The following VPS13B variants were observed in gnomAD, a reference collection of about 807,000 sequenced individuals.
The protein encoded by VPS13B is vacuolar protein sorting 13 homolog B.
A neutral mutation model predicts 426.4 loss-of-function variants in VPS13B; 285 were observed. That is an observed-to-expected ratio of 0.67 (90% CI 0.61 to 0.74). VPS13B has a LOEUF of 0.74. Ranked by LOEUF, VPS13B falls within the 30% of genes least tolerant of loss-of-function variation. The pLI, the probability that VPS13B is intolerant of heterozygous loss-of-function variation, is 0.00. For synonymous variants in VPS13B, 1,676 were observed against 1,676.4 expected (o/e 1.00, Z 0.01); for missense variants, 4,537 against 4,782.6 (o/e 0.95, Z 1.51).
At chr8:99,871,337 G>T (rs1817401954) in intron 60 of VPS13B, 111 bp from the exon 61 acceptor site, 1 of 1,521,798 alleles carries the variant, frequency 6.6e-7, no homozygotes, top group Non-Finnish European at 9.0e-7. Context: ...AACTGGATTG[G>T]TGAGGGCCCT....
In VPS13B at chr8:99,183,019, G is replaced by A. The variant is rs1451647135; in HGVS notation, c.2334-9857G>A. 3.3e-5 allele frequency among the ~76,000 whole-genome samples: 5 copies of A among 152,256 alleles called. No homozygotes were observed. In the East Asian group the frequency reaches 5.8e-4, roughly 18 times the overall value. On this transcript the variant is annotated intron_variant, in intron 16 of 61. Transcript: ENST00000357162. ...CTCCCAAAGTGCTGGGATTGCAGGC[G>A]TGAGCCACCGCACCTGGCTGTGGAA...
intron 30 of VPS13B, chr8:99,536,888 GA>G (rs1458336499): frequency 4.3e-6 from 2 of 461,492 alleles, no homozygotes; most frequent in Middle Eastern, 4.0e-4. Flanking sequence ...AAAAACTAGG[GA>G]AAAAAAGTAA....
chr8:99,248,517 A>G (rs950072410), intron 17 of VPS13B, among the ~76,000 whole-genome samples: 3 of 152,178 alleles, frequency 2.0e-5, no homozygotes, highest in Admixed American at 6.5e-5. Flanking sequence ...AAGTTGGTTG[A>G]TGAACATTAT....
intron 12 of VPS13B, among the ~76,000 whole-genome samples, chr8:99,140,000 G>A (rs569092053): frequency 1.1e-4 from 16 of 152,158 alleles, no homozygotes; most frequent in African/African-American, 3.6e-4. Context: ...AGAGTTTGTA[G>A]TGAATCCTGA....
intron 56 of VPS13B, among the ~76,000 whole-genome samples, chr8:99,855,211 T>TA (rs560183354): frequency 2.3e-3 from 353 of 152,090 alleles, no homozygotes; most frequent in African/African-American, 8.2e-3. Context: ...CTTGTCTCTA[T>TA]AAAAAATTAA....
chr8:99,448,103 A>G (rs1588390520), intron 23 of VPS13B, among the ~76,000 whole-genome samples: 1 of 150,148 alleles, frequency 6.7e-6, no homozygotes, highest in Non-Finnish European at 1.5e-5. Context: ...GTGCTATTAT[A>G]TTCTCAGGTG....
intron 35 of VPS13B, among the ~76,000 whole-genome samples, chr8:99,672,906 G>A (rs1349647833): frequency 6.6e-6 from 1 of 151,978 alleles, no homozygotes; most frequent in Non-Finnish European, 1.5e-5. Context: ...ATGATCATAT[G>A]GTTTTTGTCC....
At chr8:99,292,949 T>A (rs1476685120) in intron 19 of VPS13B, among the ~76,000 whole-genome samples, 1 of 152,170 alleles carries the variant, frequency 6.6e-6, no homozygotes, top group Non-Finnish European at 1.5e-5. Flanking sequence ...CAAAGGGGAT[T>A]TTTAGAAAAT....
In VPS13B at chr8:99,121,371, C is replaced by G; in HGVS notation, c.1132C>G (p.Gln378Glu). The G allele has an allele frequency of 1.2e-6, 2 of 1,614,156 alleles. No individual in the cohort carries two copies. Among genetic ancestry groups the G allele is most frequent in the South Asian group, 2.2e-5 (2 of 91,076 alleles). Residue 378 changes from glutamine to glutamate, a missense_variant, in exon 8 of 62, where the codon CAA becomes GAA. Physicochemically the swap from Gln to Glu is conservative, Grantham distance 29 (BLOSUM62 2). Around this residue, in one of 2 missense-constraint regions of VPS13B, gnomAD observed 4,311 missense variants for 4,474.3 expected, o/e 0.96. Transcript: ENST00000357162. ...GNDPASTMHQ[Q>E]KAQTLKDPIV... Reference sequence around the variant, plus strand: ...CGATCCTGCATCAACCATGCATCAACAAAAAGCACAGACTTTGAAGGATCC... The same window carrying G: ...CGATCCTGCATCAACCATGCATCAAGAAAAAGCACAGACTTTGAAGGATCC...
At chr8:99,235,745 G>A (rs1292438197) in intron 17 of VPS13B, among the ~76,000 whole-genome samples, 1 of 152,116 alleles carries the variant, frequency 6.6e-6, no homozygotes, top group Non-Finnish European at 1.5e-5. Flanking sequence ...TATTACACAA[G>A]TACTACCATG....
At chr8:99,388,774 A>G (rs887270614) in intron 20 of VPS13B, among the ~76,000 whole-genome samples, 2 of 152,178 alleles carry the variant, frequency 1.3e-5, no homozygotes, top group African/African-American at 4.8e-5. Context: ...ACAGCTGTGT[A>G]CAAGGCATAC....
At chr8:99,042,176 C>T (rs1037411799) in intron 3 of VPS13B, among the ~76,000 whole-genome samples, 1 of 151,880 alleles carries the variant, frequency 6.6e-6, no homozygotes, top group Non-Finnish European at 1.5e-5. Flanking sequence ...TCTTTTGAAC[C>T]TAAAAATCTG....
chr8:99,674,579 G>A (rs569039245), intron 35 of VPS13B, among the ~76,000 whole-genome samples: 6 of 152,000 alleles, frequency 3.9e-5, no homozygotes, highest in Non-Finnish European at 8.8e-5. Flanking sequence ...ATTCAAGGTA[G>A]TTATTGAAAG....
At chr8:99,752,366 A>C (rs1477154023) in intron 39 of VPS13B, among the ~76,000 whole-genome samples, 1 of 152,306 alleles carries the variant, frequency 6.6e-6, no homozygotes, top group East Asian at 1.9e-4. Flanking sequence ...ATCAGCAGCA[A>C]ACTACAGCCT....
At chr8:99,594,642 C>G (rs1279680106) in intron 33 of VPS13B, among the ~76,000 whole-genome samples, 1 of 151,978 alleles carries the variant, frequency 6.6e-6, no homozygotes, top group Admixed American at 6.6e-5. Flanking sequence ...TATTTATCAT[C>G]TGGCAGGCTT....
chr8:99,625,119 C>G (rs1186450184), intron 33 of VPS13B, among the ~76,000 whole-genome samples: 1 of 152,096 alleles, frequency 6.6e-6, no homozygotes, highest in East Asian at 1.9e-4. Flanking sequence ...AACACACAAA[C>G]AGAAAAGGCT....
At chr8:99,780,156 A>G (rs1252007387) in intron 42 of VPS13B, among the ~76,000 whole-genome samples, 1 of 152,198 alleles carries the variant, frequency 6.6e-6, no homozygotes, top group African/African-American at 2.4e-5. Context: ...GGACATGCGT[A>G]AAATAAGAGC....
intron 33 of VPS13B, among the ~76,000 whole-genome samples, chr8:99,600,864 C>T (rs1321691230): frequency 6.6e-6 from 1 of 152,160 alleles, no homozygotes; most frequent in East Asian, 1.9e-4. Context: ...TGGCATCTCC[C>T]TGCACTTTGC....
intron 43 of VPS13B, among the ~76,000 whole-genome samples, chr8:99,796,220 G>C (rs1812804262): frequency 6.6e-6 from 1 of 152,144 alleles, no homozygotes; most frequent in Admixed American, 6.6e-5. Flanking sequence ...AGAGACCATT[G>C]TATTTGGCGA....
Sources: gnomAD v4.1 joint callset for allele counts (sites outside exome capture counted in the v4.1 genomes callset) on GRCh38, gnomAD v4.1.1 for gene constraint, gnomAD v4.1.1 regional missense constraint, MANE v1.5 for transcripts, NCBI Gene and HGNC (gene_info 2026-07-23, HGNC 2026-07-21) for gene names.